Variants in ADAMTS20 observed in about 807,000 individuals in gnomAD.
ADAMTS20 encodes A disintegrin and metalloproteinase with thrombospondin motifs 20.
ADAMTS20 carries 225 observed loss-of-function variants against 260.1 expected under a neutral mutation model. That is an observed-to-expected ratio of 0.87 (90% CI 0.78 to 0.97). ADAMTS20 has a LOEUF of 0.97. Among genes scored for constraint, ADAMTS20 ranks in the 50% least tolerant of loss-of-function variants. The pLI is 0.00. For missense variants in ADAMTS20, 2,400 were observed against 2,337.7 expected, an observed-to-expected ratio of 1.03 and a Z score of -0.55; for synonymous variants, 802 against 769.5, an observed-to-expected ratio of 1.04 and a Z score of -0.70.
At chr12:43,429,802 T>G (rs1941406032) in intron 23 of ADAMTS20, 78 bp from the exon 24 acceptor site, 1 of 943,522 alleles carries the variant, frequency 1.1e-6, no homozygotes, top group Non-Finnish European at 1.6e-6. Context: ...TCACTTCTTC[T>G]GTATGTCTCA....
chr12:43,452,722 C>G (rs757732081), intron 12 of ADAMTS20, 27 bp from the exon 13 acceptor site: 1 of 1,558,738 alleles, frequency 6.4e-7, no homozygotes, highest in South Asian at 1.2e-5. Flanking sequence ...CATTTTAAAG[C>G]ACATCAGTAC....
chr12:43,545,368 T>C (rs757761786), intron 2 of ADAMTS20, among the ~76,000 whole-genome samples: 1 of 152,198 alleles, frequency 6.6e-6, no homozygotes, highest in Non-Finnish European at 1.5e-5. Flanking sequence ...CACTACCAAA[T>C]CTACCCTGTT....
At position 43,357,951 on chromosome 12, in the gene ADAMTS20, A is replaced by G. The variant is rs544752281; in HGVS notation, c.5539-1363T>C. Among the ~76,000 whole-genome samples, 5 of 152,338 alleles carry G rather than the reference A, an allele frequency of 3.3e-5. No individual in the cohort carries two copies. The South Asian group carries it at 6.2e-4, about 19-fold the overall frequency. On this transcript the variant is annotated intron_variant, in intron 37 of 38. Transcript: ENST00000389420. ...TAAAAAGAATTGATTCTTAGGATAT[A>G]TTATTCTATTTGATACTTAATCAAC...
intron 28 of ADAMTS20, among the ~76,000 whole-genome samples, chr12:43,405,449 AATAATAATAAT>A: frequency 7.1e-6 from 1 of 141,818 alleles, no homozygotes; most frequent in African/African-American, 2.6e-5. Context: ...TAATAATAAT[AATAATAATAAT>A]AAATTAAATA....
chr12:43,410,797 C>A (rs1941016685), intron 28 of ADAMTS20, among the ~76,000 whole-genome samples: 1 of 152,196 alleles, frequency 6.6e-6, no homozygotes, highest in Non-Finnish European at 1.5e-5. Flanking sequence ...TTGATTGATT[C>A]TTACTTCAGA....
intron 2 of ADAMTS20, among the ~76,000 whole-genome samples, chr12:43,541,485 C>G (rs907068783): frequency 2.0e-5 from 3 of 152,164 alleles, no homozygotes; most frequent in African/African-American, 7.2e-5. Flanking sequence ...ACTAACAACA[C>G]AAATGTGACA....
intron 28 of ADAMTS20, among the ~76,000 whole-genome samples, chr12:43,406,441 T>C (rs1320292748): frequency 6.6e-6 from 1 of 152,122 alleles, no homozygotes; most frequent in Non-Finnish European, 1.5e-5. Context: ...TTATATTAAA[T>C]GTCTTTAGAA....
chr12:43,376,215 A>C, intron 34 of ADAMTS20, 21 bp downstream of exon 34: 1 of 1,536,348 alleles, frequency 6.5e-7, no homozygotes, highest in Non-Finnish European at 8.8e-7. Context: ...TAAAATAAAA[A>C]AGGAACTGTT....
intron 4 of ADAMTS20, among the ~76,000 whole-genome samples, chr12:43,500,432 C>T (rs1942742143): frequency 6.6e-6 from 1 of 152,142 alleles, no homozygotes; most frequent in Non-Finnish European, 1.5e-5. Flanking sequence ...CAACTGACAT[C>T]CTCCACACCA....
chr12:43,523,325 T>C (rs1943096909), intron 3 of ADAMTS20, among the ~76,000 whole-genome samples: 1 of 152,220 alleles, frequency 6.6e-6, no homozygotes, highest in African/African-American at 2.4e-5. Flanking sequence ...AGCCATTCCT[T>C]ATTTTGTCTC....
intron 7 of ADAMTS20, among the ~76,000 whole-genome samples, chr12:43,480,289 T>A (rs1942421781): frequency 6.6e-6 from 1 of 152,080 alleles, no homozygotes; most frequent in Non-Finnish European, 1.5e-5. Flanking sequence ...AATATATGCA[T>A]GAAATTAGCA....
At chr12:43,414,659 C>T (rs906440086) in intron 28 of ADAMTS20, among the ~76,000 whole-genome samples, 2 of 152,014 alleles carry the variant, frequency 1.3e-5, no homozygotes, top group Non-Finnish European at 2.9e-5. Flanking sequence ...ACTAGAATTG[C>T]TAAAATTTAA....
rs987537075 is a variant in ADAMTS20 at position 43,466,768 on chromosome 12, A to G, written c.1251T>C (p.Pro417=). ...HTLGVQHDDN[P]RCKEMKVTKY... ...TTGTAACTTTCATTTCTTTACATCT[A>G]GGATTATCATCATGTTGAACACCAA... The change falls in exon 9 of 39, where the codon CCT becomes CCC. Residue 417 remains proline, a synonymous_variant. Coordinates refer to ENST00000389420, the MANE Select transcript of ADAMTS20 (RefSeq NM_025003.5). 1.9e-6 allele frequency: 3 copies of G among 1,604,622 alleles called. No homozygotes were observed. Among genetic ancestry groups the G allele is most frequent in the African/African-American group, 2.7e-5 (2 of 74,588 alleles).
In ADAMTS20 at chr12:43,446,588, A is replaced by G. The variant is rs546428324; in HGVS notation, c.2197+7T>C. 1.2e-6 allele frequency: 2 copies of G among 1,606,744 alleles called. No homozygotes were observed. Among genetic ancestry groups the G allele is most frequent in the Admixed American group, 1.7e-5 (1 of 59,772 alleles). ...AAGCGAAATCTAGAAACAAATACAC[A>G]ACTTACCATAATGAGAACTGTTGAA... On this transcript the variant is annotated splice_region_variant and intron_variant, in intron 15 of 38. Transcript: ENST00000389420.
At chr12:43,363,166 C>A (rs914771396) in intron 37 of ADAMTS20, among the ~76,000 whole-genome samples, 1 of 152,110 alleles carries the variant, frequency 6.6e-6, no homozygotes, top group African/African-American at 2.4e-5. Flanking sequence ...GCAAGATGAT[C>A]ATTCTAATCA....
chr12:43,482,840 A>G (rs905628310), intron 7 of ADAMTS20, among the ~76,000 whole-genome samples: 2 of 152,144 alleles, frequency 1.3e-5, no homozygotes, highest in Non-Finnish European at 2.9e-5. Context: ...TGAAAGCACC[A>G]TCTCCTGGCT....
At chr12:43,396,792 G>A (rs1940713578) in intron 29 of ADAMTS20, among the ~76,000 whole-genome samples, 1 of 152,102 alleles carries the variant, frequency 6.6e-6, no homozygotes, top group African/African-American at 2.4e-5. Flanking sequence ...ATTCACTATT[G>A]TGGAGCTGGA....
At chr12:43,378,795 T>TA (rs1261811340) in intron 31 of ADAMTS20, among the ~76,000 whole-genome samples, 1 of 151,860 alleles carries the variant, frequency 6.6e-6, no homozygotes, top group Non-Finnish European at 1.5e-5. Context: ...AATGGAAGAG[T>TA]AAGGACATCT....
chr12:43,529,390 A>G (rs1002296799), intron 3 of ADAMTS20, among the ~76,000 whole-genome samples: 7 of 152,188 alleles, frequency 4.6e-5, no homozygotes, highest in Admixed American at 3.9e-4. Flanking sequence ...TTGCAAAGAT[A>G]TGAAACCAAC....
Sources: allele counts gnomAD v4.1 joint callset (sites outside exome capture counted in the v4.1 genomes callset), GRCh38; gene constraint gnomAD v4.1.1; transcripts MANE v1.5; gene names NCBI Gene and HGNC (gene_info 2026-07-23, HGNC 2026-07-21).